The following RFX7 variants were observed in gnomAD, a reference collection of about 807,000 sequenced individuals.
RFX7 encodes the protein regulatory factor X7, also known as DNA-binding protein RFX7.
In RFX7, 26 loss-of-function variants were observed where a neutral mutation model predicts 111.8. The ratio of observed to expected loss-of-function variants is 0.23; its 90% CI spans 0.17 to 0.32. RFX7 has a LOEUF of 0.32. Among genes scored for constraint, RFX7 ranks in the 10% least tolerant of loss-of-function variants. RFX7 has a pLI of 1.00. For synonymous variants in RFX7, 624 were observed against 624.4 expected (o/e 1.00, Z 0.01); for missense variants, 1,573 against 1,772.9 (o/e 0.89, Z 2.02).
intron 5 of RFX7, among the ~76,000 whole-genome samples, chr15:56,109,307 C>T (rs1281989862): frequency 7.2e-5 from 11 of 152,262 alleles, no homozygotes; most frequent in Admixed American, 2.0e-4. Context: ...CTCGGCCTCC[C>T]GAGGTGCCGG....
chr15:56,232,696 C>T (rs527409792), intron 2 of RFX7, among the ~76,000 whole-genome samples: 118 of 152,286 alleles, frequency 7.7e-4, no homozygotes, highest in African/African-American at 2.5e-3. Flanking sequence ...ACCTCTTGAA[C>T]GCTTTGCTGC....
chr15:56,222,489 A>G (rs2043437766), intron 2 of RFX7, among the ~76,000 whole-genome samples: 1 of 152,152 alleles, frequency 6.6e-6, no homozygotes, highest in African/African-American at 2.4e-5. Context: ...CCAATTACAC[A>G]TATATTGGCC....
chr15:56,229,020 A>G (rs1361947561), intron 2 of RFX7, among the ~76,000 whole-genome samples: 2 of 152,236 alleles, frequency 1.3e-5, no homozygotes, highest in African/African-American at 4.8e-5. Flanking sequence ...CCATACACCT[A>G]ACTGTGATGA....
Position 56,170,015 on chromosome 15 carries a change from T to C in RFX7, c.195+9255A>G, listed in dbSNP as rs75089940. On this transcript the variant is annotated intron_variant, in intron 3 of 9. Coordinates refer to ENST00000559447, the MANE Select transcript of RFX7 (RefSeq NM_022841.7). The stretch of plus-strand genomic sequence containing the variant: ...AAAATATTTCCAAATATTTTATAAG[T>C]GTATGATCTCTAAAAGGTATAAATT... 2.7e-3 allele frequency among the ~76,000 whole-genome samples: 406 copies of C among 152,304 alleles called. 1 individual carries two copies. Among genetic ancestry groups the C allele is most frequent in the Non-Finnish European group, 2.2e-3 (147 of 68,014 alleles).
chr15:56,176,135 C>A (rs74436275), intron 3 of RFX7, among the ~76,000 whole-genome samples: 10,058 of 151,840 alleles, frequency 0.066, 451 homozygotes, highest in Admixed American at 0.11. Context: ...AACTAGAGCA[C>A]AAATAAAGAT....
intron 2 of RFX7, among the ~76,000 whole-genome samples, chr15:56,216,037 T>C (rs1337056785): frequency 1.3e-5 from 2 of 152,220 alleles, no homozygotes; most frequent in Non-Finnish European, 2.9e-5. Context: ...GTGCCTTTTA[T>C]GAACTATGTT....
intron 2 of RFX7, among the ~76,000 whole-genome samples, chr15:56,237,003 C>T (rs2043631116): frequency 6.6e-6 from 1 of 151,888 alleles, no homozygotes; most frequent in Admixed American, 6.5e-5. Context: ...TCAGCTAACA[C>T]CCAAGGAAAC....
At chr15:56,120,981 A>G (rs2042070848) in intron 5 of RFX7, among the ~76,000 whole-genome samples, 1 of 152,116 alleles carries the variant, frequency 6.6e-6, no homozygotes, top group African/African-American at 2.4e-5. Context: ...ATTGTTTTTG[A>G]TTAGTTCATC....
chr15:56,174,662 G>C (rs952472798), intron 3 of RFX7, among the ~76,000 whole-genome samples: 1 of 151,966 alleles, frequency 6.6e-6, no homozygotes, highest in East Asian at 1.9e-4. Context: ...AAGGAGAATC[G>C]CTTGAACCTG....
chr15:56,167,321 A>C (rs1419514435), intron 3 of RFX7, among the ~76,000 whole-genome samples: 1 of 152,108 alleles, frequency 6.6e-6, no homozygotes, highest in Non-Finnish European at 1.5e-5. Context: ...TCAAGGAAAA[A>C]AAAAGTTATT....
At chr15:56,221,648 A>T (rs550128385) in intron 2 of RFX7, among the ~76,000 whole-genome samples, 36 of 151,994 alleles carry the variant, frequency 2.4e-4, no homozygotes, top group Middle Eastern at 3.4e-3. Context: ...TATTCATCTG[A>T]TATTTTTTAG....
At chr15:56,139,020 C>G (rs1415149567) in intron 5 of RFX7, among the ~76,000 whole-genome samples, 1 of 151,518 alleles carries the variant, frequency 6.6e-6, no homozygotes, top group African/African-American at 2.4e-5. Flanking sequence ...TGAGGGTAAC[C>G]CGACCTTTCT....
chr15:56,133,419 A>T (rs1359858482), intron 5 of RFX7, among the ~76,000 whole-genome samples: 1 of 152,102 alleles, frequency 6.6e-6, no homozygotes, highest in East Asian at 1.9e-4. Flanking sequence ...ACATCTAAAT[A>T]CACTGAAATG....
intron 5 of RFX7, among the ~76,000 whole-genome samples, chr15:56,119,467 T>C (rs563671955): frequency 9.2e-5 from 14 of 152,312 alleles, no homozygotes; most frequent in African/African-American, 3.1e-4. Context: ...TGTATGCTTA[T>C]GGCATCTTTG....
At position 56,243,728 on chromosome 15, in the gene RFX7, T is replaced by C. The variant is rs1244859950; in HGVS notation, c.-286A>G. 6.6e-6 allele frequency among the ~76,000 whole-genome samples: 1 copy of C among 151,128 alleles called. No homozygotes were observed. The highest frequency in any genetic ancestry group is 2.4e-5 in the African/African-American group (1 of 41,204). Reference sequence around the variant, plus strand: ...CCTTCCTTCCTTGTCCCCGGGGCTTTCTACTGCCGGGTCCCCGTGCTGCTG... The same window carrying C: ...CCTTCCTTCCTTGTCCCCGGGGCTTCCTACTGCCGGGTCCCCGTGCTGCTG... On this transcript the variant is annotated 5_prime_UTR_variant, in exon 1 of 10. Coordinates refer to ENST00000559447, the MANE Select transcript of RFX7 (RefSeq NM_022841.7).
intron 5 of RFX7, among the ~76,000 whole-genome samples, chr15:56,136,170 G>C (rs1469840814): frequency 2.0e-5 from 3 of 151,682 alleles, no homozygotes; most frequent in Non-Finnish European, 4.4e-5. Context: ...TTGGTAGCTT[G>C]ATGGGGATGG....
chr15:56,148,522 G>C (rs1567027421), intron 3 of RFX7, among the ~76,000 whole-genome samples: 1 of 152,168 alleles, frequency 6.6e-6, no homozygotes, highest in Non-Finnish European at 1.5e-5. Context: ...GGAGGTTGAA[G>C]GTGGACTTTG....
intron 2 of RFX7, among the ~76,000 whole-genome samples, chr15:56,214,303 T>C (rs759077185): frequency 2.0e-5 from 3 of 151,732 alleles, no homozygotes; most frequent in African/African-American, 7.3e-5. Flanking sequence ...TAAAATTTCA[T>C]TGAATTTATA....
At chr15:56,099,765 T>C (rs1474653812) in intron 8 of RFX7, among the ~76,000 whole-genome samples, 1 of 152,234 alleles carries the variant, frequency 6.6e-6, no homozygotes, top group African/African-American at 2.4e-5. Context: ...ATACAATTGG[T>C]AAAGTATTTA....
Sources: gnomAD v4.1 joint callset for allele counts (sites outside exome capture counted in the v4.1 genomes callset) on GRCh38, gnomAD v4.1.1 for gene constraint, MANE v1.5 for transcripts, NCBI Gene and HGNC (gene_info 2026-07-23, HGNC 2026-07-21) for gene names.